RBFOX1: variants seen among roughly 807,000 people sequenced by gnomAD.
RBFOX1 encodes the protein RNA binding protein fox-1 homolog 1.
A neutral mutation model predicts 57.7 loss-of-function variants in RBFOX1; 8 were observed. The observed-to-expected ratio is 0.14, with a 90% CI of 0.08 to 0.25. The LOEUF (loss-of-function observed/expected upper bound fraction) is 0.25. Among genes scored for constraint, RBFOX1 ranks in the 10% least tolerant of loss-of-function variants. RBFOX1 has a pLI of 1.00. For synonymous variants in RBFOX1, 326 were observed against 222.4 expected (o/e 1.47, Z -4.15); for missense variants, 611 against 548.5 (o/e 1.11, Z -1.14).
intron 4 of RBFOX1, among the ~76,000 whole-genome samples, chr16:5,884,870 G>A (rs188441393): frequency 6.6e-6 from 1 of 152,068 alleles, no homozygotes; most frequent in South Asian, 2.1e-4. Context: ...GCACGAGCTT[G>A]GAGTGTCTTT....
chr16:6,317,239 C>T (rs934797004), intron 2 of RBFOX1, among the ~76,000 whole-genome samples, 182 bp downstream of exon 2: 7 of 152,252 alleles, frequency 4.6e-5, no homozygotes, highest in Non-Finnish European at 8.8e-5. Context: ...GGTAGAACCA[C>T]CCTCCTTTAG....
chr16:5,666,620 G>A (rs1259169975), intron 3 of RBFOX1, among the ~76,000 whole-genome samples: 1 of 152,226 alleles, frequency 6.6e-6, no homozygotes, highest in Non-Finnish European at 1.5e-5. Context: ...CACAGAAGAA[G>A]GAGACAGCTA....
At chr16:6,514,385 C>G (rs924128111) in intron 2 of RBFOX1, among the ~76,000 whole-genome samples, 1 of 152,134 alleles carries the variant, frequency 6.6e-6, no homozygotes, top group Non-Finnish European at 1.5e-5. Flanking sequence ...GAGATTCAGT[C>G]GACTTTCTTT....
chr16:6,821,558 C>G (rs74009304), intron 3 of RBFOX1, among the ~76,000 whole-genome samples: 1,859 of 152,282 alleles, frequency 0.012, 33 homozygotes, highest in African/African-American at 0.041. Flanking sequence ...TCATTTCTCT[C>G]TCCCCCCAAC....
intron 3 of RBFOX1, among the ~76,000 whole-genome samples, chr16:5,643,172 A>G (rs753618387): frequency 5.3e-5 from 8 of 152,190 alleles, no homozygotes; most frequent in Non-Finnish European, 1.0e-4. Context: ...ATGAAAAAAA[A>G]TGACATCAGA....
At chr16:7,703,159 G>C (rs963695710) in intron 14 of RBFOX1, among the ~76,000 whole-genome samples, 4 of 152,198 alleles carry the variant, frequency 2.6e-5, no homozygotes, top group Admixed American at 2.6e-4. Flanking sequence ...TGTGCGACTT[G>C]CATGGATTCA....
At chr16:5,605,307 C>A (rs982221171) in intron 3 of RBFOX1, among the ~76,000 whole-genome samples, 1 of 152,194 alleles carries the variant, frequency 6.6e-6, no homozygotes, top group Non-Finnish European at 1.5e-5. Flanking sequence ...GCTCTCACGT[C>A]CCTGATCCCA....
At chr16:6,613,381 A>G (rs2098095805) in intron 2 of RBFOX1, among the ~76,000 whole-genome samples, 1 of 152,076 alleles carries the variant, frequency 6.6e-6, no homozygotes, top group Non-Finnish European at 1.5e-5. Context: ...TCCATATGAG[A>G]ATGCCTAGGA....
intron 3 of RBFOX1, among the ~76,000 whole-genome samples, chr16:6,826,140 C>G (rs1330070226): frequency 6.6e-6 from 1 of 152,056 alleles, no homozygotes; most frequent in Admixed American, 6.6e-5. Context: ...TCTCCCTACC[C>G]CAGTTTTCTC....
chr16:6,529,438 A>G (rs1399559063), intron 2 of RBFOX1, among the ~76,000 whole-genome samples: 2 of 151,978 alleles, frequency 1.3e-5, no homozygotes, highest in Non-Finnish European at 2.9e-5. Context: ...ACACACCTGT[A>G]ATCCCGGCTA....
intron 3 of RBFOX1, among the ~76,000 whole-genome samples, chr16:6,806,794 TTA>T (rs1417105773): frequency 8.7e-6 from 1 of 114,666 alleles, no homozygotes; most frequent in African/African-American, 3.5e-5. Context: ...TCCTTTTCAT[TTA>T]TATATATAAA....
At chr16:6,431,894 TTGCTTTCTTTCTTTCTTTCTTTCTTTC>T (rs200378550) in intron 2 of RBFOX1, among the ~76,000 whole-genome samples, 1 of 109,634 alleles carries the variant, frequency 9.1e-6, no homozygotes, top group African/African-American at 4.0e-5. Flanking sequence ...GCTTGCTTGC[TTGCTTTCTTTCTTTCTTTCTTTCTTTC>T]TTTCTTTCTT....
chr16:5,261,172 G>C (rs2062722542), intron 1 of RBFOX1: 1 of 152,170 alleles, frequency 6.6e-6, no homozygotes, highest in African/African-American at 2.4e-5. Flanking sequence ...ACTTCCTACA[G>C]TCCCTCCCTT....
chr16:6,184,653 G>A (rs541192243), intron 1 of RBFOX1, among the ~76,000 whole-genome samples: 154 of 152,214 alleles, frequency 1.0e-3, no homozygotes, highest in Non-Finnish European at 1.8e-3. Context: ...TCCGCCTCCC[G>A]GGTTCAAGCA....
intron 1 of RBFOX1, among the ~76,000 whole-genome samples, chr16:5,405,797 G>C (rs768644576): frequency 6.6e-6 from 1 of 152,010 alleles, no homozygotes; most frequent in Admixed American, 6.6e-5. Context: ...GAGTGTGACT[G>C]GGGGGCATCT....
chr16:6,423,408 G>T (rs999529770), intron 2 of RBFOX1, among the ~76,000 whole-genome samples: 1 of 152,066 alleles, frequency 6.6e-6, no homozygotes, highest in African/African-American at 2.4e-5. Flanking sequence ...GGACCAGCCT[G>T]GGCAACATGG....
chr16:7,645,901 T>C (rs2063643341), intron 11 of RBFOX1, among the ~76,000 whole-genome samples: 1 of 151,870 alleles, frequency 6.6e-6, no homozygotes, highest in African/African-American at 2.4e-5. Context: ...TTGGTCTTTC[T>C]ATCAGTGACC....
chr16:5,372,205 G>C (rs1212489754), intron 1 of RBFOX1, among the ~76,000 whole-genome samples: 1 of 152,194 alleles, frequency 6.6e-6, no homozygotes, highest in African/African-American at 2.4e-5. Context: ...GCCAAGGCCA[G>C]CTGGGATGTT....
At chr16:6,344,663 C>T (rs573048134) in intron 2 of RBFOX1, among the ~76,000 whole-genome samples, 1 of 142,618 alleles carries the variant, frequency 7.0e-6, no homozygotes, top group Non-Finnish European at 1.5e-5. Context: ...TCCCAAAGTG[C>T]TGGGATTACA....
Sources: gnomAD v4.1 joint callset for allele counts (sites outside exome capture counted in the v4.1 genomes callset) on GRCh38, gnomAD v4.1.1 for gene constraint, MANE v1.5 for transcripts, NCBI Gene and HGNC (gene_info 2026-07-23, HGNC 2026-07-21) for gene names.